The following ROBO2 variants were observed in gnomAD, a reference collection of about 807,000 sequenced individuals.
ROBO2 encodes the protein roundabout guidance receptor 2, also known as roundabout homolog 2.
In ROBO2, 53 loss-of-function variants were observed where a neutral mutation model predicts 160.8. That is an observed-to-expected ratio of 0.33 (90% CI 0.26 to 0.41). ROBO2 has a LOEUF of 0.41. Among genes scored for constraint, ROBO2 ranks in the 10% least tolerant of loss-of-function variants. ROBO2 has a pLI of 1.00. For missense variants in ROBO2, 1,577 were observed against 1,722.4 expected, an observed-to-expected ratio of 0.92 and a Z score of 1.49; for synonymous variants, 664 against 611.7, an observed-to-expected ratio of 1.09 and a Z score of -1.26.
At chr3:76,984,573 T>C (rs1213771115) in intron 2 of ROBO2, among the ~76,000 whole-genome samples, 1 of 152,134 alleles carries the variant, frequency 6.6e-6, no homozygotes, top group Admixed American at 6.5e-5. Flanking sequence ...CAGATGAGGG[T>C]TAAACCCTTT....
At chr3:77,490,192 C>G (rs188100698) in intron 4 of ROBO2, among the ~76,000 whole-genome samples, 2 of 151,518 alleles carry the variant, frequency 1.3e-5, no homozygotes, top group East Asian at 3.9e-4. Flanking sequence ...GCTCCGCCTC[C>G]CGGGTTCACA....
intron 3 of ROBO2, among the ~76,000 whole-genome samples, 153 bp downstream of exon 3, chr3:77,477,724 A>C (rs1170231654): frequency 2.0e-5 from 3 of 151,968 alleles, no homozygotes; most frequent in African/African-American, 7.2e-5. Flanking sequence ...AAACATTTGG[A>C]TGAGACTACA....
At chr3:76,126,712 A>G (rs919483655) in intron 2 of ROBO2, among the ~76,000 whole-genome samples, 3 of 152,128 alleles carry the variant, frequency 2.0e-5, no homozygotes, top group African/African-American at 7.2e-5. Context: ...CATTCTCCTT[A>G]CTTTTGAGGG....
At position 76,139,009 on chromosome 3, in the gene ROBO2, CT is replaced by C. The variant is rs1350806530; in HGVS notation, c.109+201409del. On this transcript the variant is annotated intron_variant, in intron 2 of 26. Transcript: ENST00000487694. ...GAGAATGTTTTGGCAAGAAATGAGG[CT>C]TGCCTCTGATTTCCGATAAAGATTT... 1.2e-4 allele frequency among the ~76,000 whole-genome samples: 19 copies of C among 152,130 alleles called. 1 individual carries two copies. Among genetic ancestry groups the C allele is most frequent in the Admixed American group, 9.8e-4 (15 of 15,256 alleles).
At chr3:77,125,072 T>C (rs1224891019) in intron 2 of ROBO2, among the ~76,000 whole-genome samples, 2 of 152,188 alleles carry the variant, frequency 1.3e-5, no homozygotes, top group African/African-American at 4.8e-5. Flanking sequence ...AATTTTAAGA[T>C]ATATAATTTA....
intron 2 of ROBO2, among the ~76,000 whole-genome samples, chr3:77,011,014 T>A (rs571924927): frequency 6.7e-6 from 1 of 150,142 alleles, no homozygotes; most frequent in African/African-American, 2.5e-5. Context: ...TTTCATTTGT[T>A]CTTTCTTTCT....
intron 2 of ROBO2, among the ~76,000 whole-genome samples, chr3:76,573,359 A>G (rs959792542): frequency 3.3e-5 from 5 of 152,112 alleles, no homozygotes; most frequent in Non-Finnish European, 5.9e-5. Flanking sequence ...TCAGAGCATT[A>G]TCAAACTAAC....
intron 2 of ROBO2, among the ~76,000 whole-genome samples, chr3:76,724,847 T>C (rs1455892539): frequency 6.6e-6 from 1 of 152,146 alleles, no homozygotes; most frequent in Non-Finnish European, 1.5e-5. Context: ...AATTCAATCA[T>C]GAGTGTCCTT....
intron 2 of ROBO2, among the ~76,000 whole-genome samples, chr3:76,695,097 C>T (rs141861740): frequency 6.6e-6 from 1 of 152,272 alleles, no homozygotes; most frequent in African/African-American, 2.4e-5. Context: ...GAGTGAGGCC[C>T]TGTCTCCAAA....
intron 2 of ROBO2, among the ~76,000 whole-genome samples, chr3:76,554,152 T>C (rs979197491): frequency 6.6e-6 from 1 of 152,208 alleles, no homozygotes; most frequent in African/African-American, 2.4e-5. Flanking sequence ...GAAAACATAT[T>C]GTATAACTTG....
intron 2 of ROBO2, among the ~76,000 whole-genome samples, chr3:76,163,519 A>T: frequency 6.7e-6 from 1 of 149,138 alleles, no homozygotes; most frequent in South Asian, 2.1e-4. Flanking sequence ...ATATTTATAT[A>T]ATGTTATATT....
At chr3:76,580,540 C>T (rs1219603414) in intron 2 of ROBO2, among the ~76,000 whole-genome samples, 1 of 151,918 alleles carries the variant, frequency 6.6e-6, no homozygotes, top group East Asian at 1.9e-4. Context: ...GTTGTAAAAA[C>T]ATGATATTCA....
chr3:76,022,658 T>A (rs1285263533), intron 2 of ROBO2, among the ~76,000 whole-genome samples: 1 of 151,694 alleles, frequency 6.6e-6, no homozygotes, highest in Non-Finnish European at 1.5e-5. Flanking sequence ...GGGATAAAAA[T>A]ATCCAGTAGA....
At chr3:77,339,375 GCT>G (rs1267327506) in intron 2 of ROBO2, among the ~76,000 whole-genome samples, 2 of 152,058 alleles carry the variant, frequency 1.3e-5, no homozygotes, top group Non-Finnish European at 1.5e-5. Flanking sequence ...AGTGTGGTGA[GCT>G]TGAAAGTTCC....
intron 2 of ROBO2, among the ~76,000 whole-genome samples, chr3:75,980,749 A>G (rs2065252061): frequency 6.6e-6 from 1 of 151,648 alleles, no homozygotes; most frequent in South Asian, 2.1e-4. Flanking sequence ...TCTGAGTGCC[A>G]TATAGATGTT....
intron 2 of ROBO2, among the ~76,000 whole-genome samples, chr3:77,137,061 G>A (rs1339454488): frequency 6.6e-6 from 1 of 152,178 alleles, no homozygotes; most frequent in Non-Finnish European, 1.5e-5. Flanking sequence ...TGGGATTGCG[G>A]GTGTGAGCCT....
chr3:76,602,180 A>C (rs1277990669), intron 2 of ROBO2, among the ~76,000 whole-genome samples: 1 of 152,202 alleles, frequency 6.6e-6, no homozygotes, highest in Non-Finnish European at 1.5e-5. Context: ...ACAAGTCTCT[A>C]GGAAGTTCCA....
intron 2 of ROBO2, among the ~76,000 whole-genome samples, chr3:77,438,095 A>T (rs1055761648): frequency 6.6e-6 from 1 of 151,910 alleles, no homozygotes; most frequent in African/African-American, 2.4e-5. Flanking sequence ...TTAGTTTCAG[A>T]TACAAACTTT....
At chr3:76,851,741 C>CAAAAAAAAAAA in intron 2 of ROBO2, among the ~76,000 whole-genome samples, 1 of 63,252 alleles carries the variant, frequency 1.6e-5, no homozygotes, top group Non-Finnish European at 3.0e-5. Context: ...GACTCCGTCT[C>CAAAAAAAAAAA]AAAAAAAAAA....
Sources: allele counts gnomAD v4.1 joint callset (sites outside exome capture counted in the v4.1 genomes callset), GRCh38; gene constraint gnomAD v4.1.1; transcripts MANE v1.5; gene names NCBI Gene and HGNC (gene_info 2026-07-23, HGNC 2026-07-21).